Variants in CSNK2A2IP observed in about 807,000 individuals in gnomAD.
CSNK2A2IP encodes casein kinase 2 subunit alpha' interacting protein.
At chr3:88,339,161 A>G in the CSNK2A2IP span, among the ~76,000 whole-genome samples, 1 of 151,914 alleles carries the variant, frequency 6.6e-6, no homozygotes, top group South Asian at 2.1e-4. Flanking sequence ...TATTTCTTCT[A>G]TTGACTGTAT....
At chr3:88,406,210 G>T in the CSNK2A2IP span, among the ~76,000 whole-genome samples, 1 of 152,088 alleles carries the variant, frequency 6.6e-6, no homozygotes, top group East Asian at 1.9e-4. Context: ...TGGCTATCAT[G>T]ATTATGTTGC....
chr3:88,433,003 C>T, the CSNK2A2IP span, among the ~76,000 whole-genome samples: 1 of 151,706 alleles, frequency 6.6e-6, no homozygotes, highest in East Asian at 1.9e-4. Flanking sequence ...AAATATCAGG[C>T]TGTATGTATT....
chr3:88,441,947 A>G, the CSNK2A2IP span, among the ~76,000 whole-genome samples: 1 of 152,184 alleles, frequency 6.6e-6, no homozygotes, highest in East Asian at 1.9e-4. Context: ...TTAAAAACAG[A>G]AGCGAAGTTT....
the CSNK2A2IP span, among the ~76,000 whole-genome samples, chr3:88,453,129 C>A: frequency 6.6e-6 from 1 of 152,208 alleles, no homozygotes; most frequent in South Asian, 2.1e-4. Context: ...TCTTCTGAAG[C>A]CTTCTGTATA....
At chr3:88,360,508 G>A in the CSNK2A2IP span, among the ~76,000 whole-genome samples, 1 of 151,880 alleles carries the variant, frequency 6.6e-6, no homozygotes, top group African/African-American at 2.4e-5. Context: ...GTTTTCATTT[G>A]CATAGAACAT....
At chr3:88,385,392 G>A in the CSNK2A2IP span, among the ~76,000 whole-genome samples, 2 of 152,156 alleles carry the variant, frequency 1.3e-5, no homozygotes, top group Non-Finnish European at 1.5e-5. Context: ...GGTCTTTTGT[G>A]ACCTTGAAAT....
the CSNK2A2IP span, among the ~76,000 whole-genome samples, chr3:88,458,150 T>TGTG: frequency 2.2e-5 from 3 of 134,250 alleles, no homozygotes; most frequent in African/African-American, 8.6e-5. Flanking sequence ...GGTTTTTTTT[T>TGTG]TTTTTTTTTT....
At chr3:88,372,235 A>T in the CSNK2A2IP span, among the ~76,000 whole-genome samples, 1 of 151,616 alleles carries the variant, frequency 6.6e-6, no homozygotes, top group Non-Finnish European at 1.5e-5. Context: ...TTGGTGCAAA[A>T]GTAATTGTGT....
the CSNK2A2IP span, among the ~76,000 whole-genome samples, chr3:88,416,196 G>A: frequency 1.3e-5 from 2 of 151,320 alleles, no homozygotes; most frequent in Non-Finnish European, 2.9e-5. Flanking sequence ...GCTTGAACCT[G>A]GGAGATGGAG....
chr3:88,411,815 T>G, the CSNK2A2IP span, among the ~76,000 whole-genome samples: 2 of 150,996 alleles, frequency 1.3e-5, no homozygotes, highest in African/African-American at 4.9e-5. Flanking sequence ...GTGAAATATC[T>G]AATTAATATT....
chr3:88,387,488 T>G, the CSNK2A2IP span, among the ~76,000 whole-genome samples: 1 of 152,176 alleles, frequency 6.6e-6, no homozygotes, highest in Non-Finnish European at 1.5e-5. Flanking sequence ...TTTTTACTAA[T>G]CTATCTTCCT....
chr3:88,445,197 G>T, the CSNK2A2IP span, among the ~76,000 whole-genome samples: 4 of 147,684 alleles, frequency 2.7e-5, no homozygotes, highest in South Asian at 6.4e-4. Flanking sequence ...GGGACGCTGA[G>T]GCGGGAGAAT....
chr3:88,457,024 A>G, the CSNK2A2IP span, among the ~76,000 whole-genome samples: 1 of 151,134 alleles, frequency 6.6e-6, no homozygotes, highest in Non-Finnish European at 1.5e-5. Flanking sequence ...GTATGTTTAT[A>G]AAAAAAATAA....
At chr3:88,385,655 G>A in the CSNK2A2IP span, among the ~76,000 whole-genome samples, 4 of 152,122 alleles carry the variant, frequency 2.6e-5, no homozygotes, top group Non-Finnish European at 5.9e-5. Flanking sequence ...AAGAAAGGGA[G>A]AAATTGGTAA....
the CSNK2A2IP span, among the ~76,000 whole-genome samples, chr3:88,355,310 TG>T: frequency 6.6e-6 from 1 of 152,160 alleles, no homozygotes; most frequent in Non-Finnish European, 1.5e-5. Flanking sequence ...AAAGTTTTTT[TG>T]TTTTGAAATG....
chr3:88,446,707 T>C, the CSNK2A2IP span, among the ~76,000 whole-genome samples: 3 of 152,208 alleles, frequency 2.0e-5, no homozygotes, highest in African/African-American at 7.2e-5. Flanking sequence ...TCACGCCACT[T>C]ATGAGATGGT....
At chr3:88,458,892 A>ACTT in the CSNK2A2IP span, among the ~76,000 whole-genome samples, 2 of 152,194 alleles carry the variant, frequency 1.3e-5, no homozygotes, top group Non-Finnish European at 2.9e-5. Context: ...ATTTATTGAC[A>ACTT]CTTGTTGTAT....
At chr3:88,364,663 A>G in the CSNK2A2IP span, among the ~76,000 whole-genome samples, 1 of 152,304 alleles carries the variant, frequency 6.6e-6, no homozygotes, top group Admixed American at 6.5e-5. Flanking sequence ...ACCATACCAT[A>G]GAACAGTTGC....
At chr3:88,374,525 A>G in the CSNK2A2IP span, among the ~76,000 whole-genome samples, 1 of 151,674 alleles carries the variant, frequency 6.6e-6, no homozygotes, top group East Asian at 1.9e-4. Flanking sequence ...AAAGTCTACC[A>G]GTATTTTTTC....
Sources: gnomAD v4.1 joint callset for allele counts (sites outside exome capture counted in the v4.1 genomes callset) on GRCh38, gnomAD v4.1.1 for gene constraint, MANE v1.5 for transcripts, NCBI Gene and HGNC (gene_info 2026-07-23, HGNC 2026-07-21) for gene names.